The following MARCHF1 variants were observed in gnomAD, a reference collection of about 807,000 sequenced individuals.
MARCHF1 encodes E3 ubiquitin-protein ligase MARCHF1.
A neutral mutation model predicts 54.2 loss-of-function variants in MARCHF1; 40 were observed. The observed-to-expected ratio is 0.74, with a 90% CI of 0.57 to 0.96. The LOEUF (loss-of-function observed/expected upper bound fraction) is 0.96. Among genes scored for constraint, MARCHF1 ranks in the 40% least tolerant of loss-of-function variants. The pLI is 0.00. For synonymous variants in MARCHF1, 236 were observed against 236.3 expected, an observed-to-expected ratio of 1.00 and a Z score of 0.01; for missense variants, 586 against 656.5, an observed-to-expected ratio of 0.89 and a Z score of 1.17.
intron 4 of MARCHF1, among the ~76,000 whole-genome samples, chr4:163,717,697 T>C (rs529114210): frequency 6.6e-5 from 10 of 152,186 alleles, no homozygotes; most frequent in Non-Finnish European, 1.5e-5. Context: ...TTCTAACTGG[T>C]GTGAGATGGT....
At chr4:163,629,252 A>G (rs1485204960) in intron 5 of MARCHF1, among the ~76,000 whole-genome samples, 27 of 152,306 alleles carry the variant, frequency 1.8e-4, no homozygotes, top group Middle Eastern at 3.4e-3. Context: ...AAATAACGCC[A>G]CACATCTACA....
At chr4:164,062,294 C>A (rs1754635540) in intron 2 of MARCHF1, among the ~76,000 whole-genome samples, 5 of 152,072 alleles carry the variant, frequency 3.3e-5, no homozygotes, top group Admixed American at 3.3e-4. Flanking sequence ...TTACTTCCTC[C>A]ATTGAAATTT....
intron 1 of MARCHF1, among the ~76,000 whole-genome samples, chr4:164,302,333 CAT>C (rs144920727): frequency 0.024 from 3,683 of 152,174 alleles, 145 homozygotes; most frequent in African/African-American, 0.083. Flanking sequence ...TGTTCCAACA[CAT>C]GACAAGTAAA....
chr4:164,090,771 A>C (rs1302775776), intron 2 of MARCHF1, among the ~76,000 whole-genome samples: 4 of 152,108 alleles, frequency 2.6e-5, no homozygotes, highest in Non-Finnish European at 5.9e-5. Context: ...GACAGACACC[A>C]AGGTGGCAAA....
chr4:163,629,096 C>T (rs1055171916), intron 5 of MARCHF1, among the ~76,000 whole-genome samples: 1 of 152,082 alleles, frequency 6.6e-6, no homozygotes, highest in African/African-American at 2.4e-5. Context: ...ATAGACAACC[C>T]TAAGACAATC....
chr4:163,894,885 CATATATATATGCATGTGATGCATAT>C lies in MARCHF1; in HGVS notation c.-38-40741_-38-40717del, dbSNP rs1560808063. Among the ~76,000 whole-genome samples, 6 of 14,338 alleles carry C rather than the reference CATATATATATGCATGTGATGCATAT, an allele frequency of 4.2e-4. 1 individual carries two copies. Among genetic ancestry groups the C allele is most frequent in the African/African-American group, 1.0e-3 (6 of 5,896 alleles). The allele number at this position is 14,338 out of a possible 152,430, so 9.4% of individuals were successfully genotyped here. ...GATGCATATATATATGCATGTGATG[CATATATATATGCATGTGATGCATAT>C]ATATATATATGCATGTGATGCATAT... On this transcript the variant is annotated intron_variant, in intron 3 of 9. Transcript: ENST00000514618.
At chr4:163,568,972 G>A (rs1011240208) in intron 8 of MARCHF1, among the ~76,000 whole-genome samples, 1 of 152,178 alleles carries the variant, frequency 6.6e-6, no homozygotes, top group African/African-American at 2.4e-5. Flanking sequence ...GTCTGTAGCA[G>A]TTGGGGCCAA....
chr4:163,837,050 T>C (rs1478848056), intron 4 of MARCHF1, among the ~76,000 whole-genome samples: 1 of 152,130 alleles, frequency 6.6e-6, no homozygotes, highest in African/African-American at 2.4e-5. Context: ...ATTATCATAT[T>C]TGTATAATCA....
At chr4:164,194,641 T>C (rs1388369587) in intron 1 of MARCHF1, among the ~76,000 whole-genome samples, 2 of 152,120 alleles carry the variant, frequency 1.3e-5, no homozygotes, top group African/African-American at 4.8e-5. Flanking sequence ...TAATATCAAA[T>C]GTTAAGGTCA....
chr4:163,552,298 T>G (rs561493728), intron 8 of MARCHF1, among the ~76,000 whole-genome samples: 18 of 152,314 alleles, frequency 1.2e-4, no homozygotes, highest in African/African-American at 4.3e-4. Context: ...TGTGTCCAGA[T>G]GGACCTGGGA....
chr4:164,099,796 G>A (rs763175486), intron 2 of MARCHF1, among the ~76,000 whole-genome samples: 1 of 151,990 alleles, frequency 6.6e-6, no homozygotes, highest in Non-Finnish European at 1.5e-5. Context: ...AAAAATATAT[G>A]TATAAATGCC....
At chr4:164,351,184 T>A (rs1200984381) in intron 1 of MARCHF1, among the ~76,000 whole-genome samples, 2 of 150,868 alleles carry the variant, frequency 1.3e-5, no homozygotes, top group Admixed American at 6.6e-5. Context: ...GAGGCTGGGG[T>A]AGGGGCGCCC....
At chr4:163,753,581 C>G (rs933925924) in intron 4 of MARCHF1, among the ~76,000 whole-genome samples, 1 of 152,076 alleles carries the variant, frequency 6.6e-6, no homozygotes, top group Non-Finnish European at 1.5e-5. Context: ...AACCCTTAAA[C>G]TCTGAGCCTT....
intron 7 of MARCHF1, among the ~76,000 whole-genome samples, chr4:163,595,359 A>T (rs1454848040): frequency 9.9e-5 from 15 of 151,808 alleles, no homozygotes; most frequent in African/African-American, 2.7e-4. Context: ...AAATAAAATA[A>T]AAAAAAAATT....
At chr4:163,913,989 C>G (rs1241758122) in intron 3 of MARCHF1, among the ~76,000 whole-genome samples, 1 of 20,954 alleles carries the variant, frequency 4.8e-5, no homozygotes, top group East Asian at 1.9e-3. Flanking sequence ...ACGGGGATCT[C>G]TATTCTTTTT....
intron 3 of MARCHF1, among the ~76,000 whole-genome samples, chr4:163,857,050 A>ATAAG (rs1749787511): frequency 6.7e-6 from 1 of 150,056 alleles, no homozygotes; most frequent in Non-Finnish European, 1.5e-5. Flanking sequence ...AAATAAATAA[A>ATAAG]TAAATAGTCT....
chr4:164,068,988 G>A (rs1406137511), intron 2 of MARCHF1, among the ~76,000 whole-genome samples: 1 of 152,170 alleles, frequency 6.6e-6, no homozygotes, highest in Non-Finnish European at 1.5e-5. Context: ...TTAATCTGGT[G>A]GGGACTTGGA....
intron 2 of MARCHF1, among the ~76,000 whole-genome samples, chr4:164,053,811 G>T (rs1276021586): frequency 6.6e-6 from 1 of 152,170 alleles, no homozygotes; most frequent in Admixed American, 6.5e-5. Flanking sequence ...AATTCATAAT[G>T]TCCTGAAGAA....
intron 2 of MARCHF1, among the ~76,000 whole-genome samples, chr4:164,021,971 C>T (rs1298460291): frequency 6.6e-6 from 1 of 151,834 alleles, no homozygotes; most frequent in Admixed American, 6.6e-5. Flanking sequence ...TGTTCAGCAA[C>T]ATTTGTTGAA....
Sources: gnomAD v4.1 joint callset for allele counts (sites outside exome capture counted in the v4.1 genomes callset) on GRCh38, gnomAD v4.1.1 for gene constraint, MANE v1.5 for transcripts, NCBI Gene and HGNC (gene_info 2026-07-23, HGNC 2026-07-21) for gene names.